CREM: variants seen among roughly 807,000 people sequenced by gnomAD.
The protein encoded by CREM is cAMP-responsive element modulator.
Under a neutral mutation model 37.3 loss-of-function variants are expected in CREM, and 13 were observed. The ratio of observed to expected loss-of-function variants is 0.35; its 90% CI spans 0.23 to 0.55. CREM has a LOEUF of 0.55. CREM is among the 20% of genes least tolerant of loss of function. The probability of loss-of-function intolerance (pLI) is 0.88; values close to 1 mark genes in which losing one functional copy is unlikely to be tolerated. For synonymous variants in CREM, 124 were observed against 120.2 expected (o/e 1.03, Z -0.21); for missense variants, 296 against 362.3 (o/e 0.82, Z 1.49).
Position 35,137,870 on chromosome 10 carries a change from C to G in CREM, c.35C>G (p.Thr12Arg). 4 of 1,588,712 alleles carry G rather than the reference C, an allele frequency of 2.5e-6. No homozygotes were observed. The highest frequency in any genetic ancestry group is 2.3e-5 in the East Asian group (1 of 43,844). The change falls in exon 2 of 8, where the codon ACA (threonine) becomes AGA (arginine). Residue 12 changes from threonine to arginine, a missense_variant. Physicochemically the swap from Thr to Arg is moderately conservative, Grantham distance 71. This residue lies in a region of CREM where 257 missense variants were observed against 280.2 expected (regional missense o/e 0.92). Transcript: ENST00000685392. Reference sequence around the variant, plus strand: ...TGTGCAAGGAAAAAATATATTAAGACAAATCCAAGGTAGGTAGATGTACGT... The same window carrying G: ...TGTGCAAGGAAAAAATATATTAAGAGAAATCCAAGGTAGGTAGATGTACGT... ...SKCARKKYIKTNPRQMTMETV... is the reference protein window; with the variant it reads ...SKCARKKYIKRNPRQMTMETV...
intron 3 of CREM, chr10:35,158,603 G>T: frequency 6.4e-6 from 1 of 156,872 alleles, no homozygotes; most frequent in Non-Finnish European, 1.4e-5. Context: ...TGCAACATCC[G>T]GCCAGAAATC....
chr10:35,182,776 A>C (rs1287251686), intron 5 of CREM, among the ~76,000 whole-genome samples: 1 of 152,220 alleles, frequency 6.6e-6, no homozygotes, highest in Non-Finnish European at 1.5e-5. Context: ...AACACCAAGT[A>C]AGTGAGCTGT....
chr10:35,157,790 A>G (rs963344926), intron 3 of CREM, among the ~76,000 whole-genome samples: 1 of 152,172 alleles, frequency 6.6e-6, no homozygotes, highest in Non-Finnish European at 1.5e-5. Context: ...CATAGATGAC[A>G]TGATCTTACA....
chr10:35,167,861 TA>T, intron 3 of CREM: 1 of 1,450,942 alleles, frequency 6.9e-7, no homozygotes, highest in Non-Finnish European at 9.6e-7. Flanking sequence ...AAAAGAGGGG[TA>T]AAAATTGTGA....
intron 5 of CREM, among the ~76,000 whole-genome samples, chr10:35,182,053 G>C (rs2094375668): frequency 6.6e-6 from 1 of 152,176 alleles, no homozygotes; most frequent in Admixed American, 6.5e-5. Flanking sequence ...TTCACACAAT[G>C]TGAATTTCTT....
In CREM at chr10:35,211,930, C is replaced by A; in HGVS notation, c.*532C>A. The A allele has an allele frequency of 2.1e-6, 2 of 959,636 alleles. No homozygotes were observed. Among genetic ancestry groups the A allele is most frequent in the Non-Finnish European group, 2.9e-6 (2 of 692,264 alleles). The allele number at this position is 959,636 out of a possible 1,614,324, so 59.4% of individuals were successfully genotyped here. A position where few individuals can be genotyped will look rare whatever the true frequency, so the allele number is the denominator to read the frequency against. ...TCTTCTTCTTTAATCACTTAACATTCCTAAAATGCTTCACTGTACGTAGTT... is the reference window on the plus strand; with the variant it reads ...TCTTCTTCTTTAATCACTTAACATTACTAAAATGCTTCACTGTACGTAGTT... On this transcript the variant is annotated 3_prime_UTR_variant, in exon 8 of 8. Coordinates refer to ENST00000685392, the MANE Select transcript of CREM (RefSeq NM_183011.2).
intron 5 of CREM, among the ~76,000 whole-genome samples, chr10:35,185,185 C>T (rs1250964778): frequency 6.6e-6 from 1 of 151,756 alleles, no homozygotes; most frequent in Non-Finnish European, 1.5e-5. Context: ...TCACCGCAAC[C>T]CCCGCCTCCC....
intron 2 of CREM, among the ~76,000 whole-genome samples, chr10:35,138,819 T>TA (rs1306052375): frequency 6.6e-6 from 1 of 151,516 alleles, no homozygotes; most frequent in Non-Finnish European, 1.5e-5. Context: ...GGCCAGGTGT[T>TA]AAAGACCAGC....
At chr10:35,132,965 T>A (rs543792983) in intron 1 of CREM, among the ~76,000 whole-genome samples, 11 of 152,352 alleles carry the variant, frequency 7.2e-5, no homozygotes, top group African/African-American at 2.4e-4. Context: ...TGCAAAGAAC[T>A]AAAACCTTGC....
intron 3 of CREM, chr10:35,171,105 T>G (rs2093793590): frequency 6.6e-6 from 1 of 151,492 alleles, no homozygotes; most frequent in South Asian, 2.1e-4. Flanking sequence ...TGTAAGGATA[T>G]GGTTTATGTT....
At chr10:35,182,837 A>G (rs1041487136) in intron 5 of CREM, among the ~76,000 whole-genome samples, 6 of 152,234 alleles carry the variant, frequency 3.9e-5, no homozygotes, top group Non-Finnish European at 7.3e-5. Context: ...GGTGTGTTGC[A>G]TAACAGTTGA....
intron 6 of CREM, among the ~76,000 whole-genome samples, chr10:35,200,951 G>T (rs1361788449): frequency 6.6e-6 from 1 of 152,002 alleles, no homozygotes; most frequent in Non-Finnish European, 1.5e-5. Context: ...TAGGTACTTG[G>T]CTGGGTTTCT....
intron 6 of CREM, among the ~76,000 whole-genome samples, chr10:35,204,035 C>A (rs545673817): frequency 7.6e-4 from 116 of 152,284 alleles, no homozygotes; most frequent in Non-Finnish European, 1.4e-3. Context: ...GCCTTTATTA[C>A]CCCATAACCT....
chr10:35,169,211 T>C (rs1045305098), intron 3 of CREM, among the ~76,000 whole-genome samples: 4 of 152,210 alleles, frequency 2.6e-5, no homozygotes, highest in African/African-American at 7.2e-5. Flanking sequence ...TTCACCATAT[T>C]GATTCTTCCT....
intron 3 of CREM, among the ~76,000 whole-genome samples, chr10:35,169,075 A>G (rs1213078029): frequency 2.0e-5 from 3 of 152,166 alleles, no homozygotes; most frequent in South Asian, 2.1e-4. Context: ...TATCTTGGCA[A>G]TGTGGGCTCT....
intron 5 of CREM, among the ~76,000 whole-genome samples, chr10:35,186,685 A>G (rs1344038728): frequency 7.1e-6 from 1 of 140,188 alleles, no homozygotes; most frequent in Non-Finnish European, 1.5e-5. Context: ...TAATAAATAT[A>G]TATTAAAAAT....
At chr10:35,195,351 C>A in intron 6 of CREM, 2 of 844,698 alleles carry the variant, frequency 2.4e-6, no homozygotes, top group Non-Finnish European at 3.8e-6. Context: ...TTGAAATATA[C>A]ATCTATATAT....
chr10:35,208,453 G>A (rs2095587694), intron 7 of CREM, among the ~76,000 whole-genome samples: 2 of 151,932 alleles, frequency 1.3e-5, no homozygotes, highest in South Asian at 4.2e-4. Context: ...ATGAATAATG[G>A]TGCAAATTAA....
At chr10:35,157,575 G>T (rs1051848297) in intron 3 of CREM, among the ~76,000 whole-genome samples, 11 of 149,276 alleles carry the variant, frequency 7.4e-5, no homozygotes, top group African/African-American at 2.7e-4. Context: ...GGCACAGGTT[G>T]CAATGAGCCA....
Sources: allele counts gnomAD v4.1 joint callset (sites outside exome capture counted in the v4.1 genomes callset), GRCh38; gene constraint gnomAD v4.1.1; regional missense constraint gnomAD v4.1.1; transcripts MANE v1.5; gene names NCBI Gene and HGNC (gene_info 2026-07-23, HGNC 2026-07-21).